The following GGA1 variants were observed in gnomAD, a reference collection of about 807,000 sequenced individuals.
The protein encoded by GGA1 is ADP-ribosylation factor-binding protein GGA1.
A neutral mutation model predicts 76.9 loss-of-function variants in GGA1; 18 were observed. The observed-to-expected ratio is 0.23, with a 90% CI of 0.16 to 0.35. GGA1 has a LOEUF of 0.35. Ranked by LOEUF, GGA1 falls within the 10% of genes least tolerant of loss-of-function variation. GGA1 has a pLI of 1.00. For missense variants in GGA1, 755 were observed against 859.0 expected (o/e 0.88, Z 1.51); for synonymous variants, 342 against 354.7 (o/e 0.96, Z 0.40).
At chr22:37,615,167 C>T (rs1201943171) in intron 2 of GGA1, among the ~76,000 whole-genome samples, 2 of 151,978 alleles carry the variant, frequency 1.3e-5, no homozygotes, top group Non-Finnish European at 2.9e-5. Flanking sequence ...AAAAATAGGC[C>T]AGGCATGGTG....
chr22:37,625,083 A>G lies in GGA1; in HGVS notation c.940+7A>G, dbSNP rs935066699. On this transcript the variant is annotated splice_region_variant and intron_variant, in intron 10 of 16. Coordinates refer to ENST00000343632, the MANE Select transcript of GGA1 (RefSeq NM_013365.5). This position sits in a 1 kb window ranked among gnomAD's most constrained non-coding sequence, Gnocchi z 4.1. ...ACAGCCGGCTCCATCCCTGGTGAGG[A>G]GGTGGCAGGAGAGCTGGGAGGGCAC... 3.8e-6 allele frequency: 6 copies of G among 1,578,332 alleles called. No homozygotes were observed. The highest frequency in any genetic ancestry group is 5.2e-6 in the Non-Finnish European group (6 of 1,162,030).
intron 3 of GGA1, 114 bp from the exon 4 acceptor site, chr22:37,618,334 C>T (rs1929203649): frequency 4.7e-6 from 3 of 642,708 alleles, no homozygotes; most frequent in South Asian, 3.5e-5. Flanking sequence ...ACAGGCCATT[C>T]CCTCCCTTCT....
intron 4 of GGA1, 80 bp from the exon 5 acceptor site, chr22:37,620,158 C>A: frequency 6.6e-7 from 1 of 1,518,566 alleles, no homozygotes; most frequent in Non-Finnish European, 9.1e-7. Flanking sequence ...CCTGGGGAGG[C>A]AGTAGGGTGT....
chr22:37,615,865 G>A (rs1170429817), intron 2 of GGA1, among the ~76,000 whole-genome samples: 1 of 151,330 alleles, frequency 6.6e-6, no homozygotes, highest in Non-Finnish European at 1.5e-5. Context: ...TTTTGAGATG[G>A]AGTCTCGCTC....
At chr22:37,615,272 C>G (rs778511232) in intron 2 of GGA1, among the ~76,000 whole-genome samples, 1 of 151,668 alleles carries the variant, frequency 6.6e-6, no homozygotes, top group Non-Finnish European at 1.5e-5. Context: ...ATAGAGAAAT[C>G]CCATCTCTAC....
chr22:37,612,577 C>T (rs997493387), intron 1 of GGA1: 6 of 138,684 alleles, frequency 4.3e-5, no homozygotes, highest in East Asian at 2.0e-4. Flanking sequence ...TGAGACCATC[C>T]TGGCTAACAT....
chr22:37,618,443 C>T lies in GGA1; in HGVS notation c.205-5C>T. Reference sequence around the variant, plus strand: ...CGTCCCCTCCCATCCCCCCTCCCTGCACAGGTGCTGGAAACATGCATGAAG... The same window carrying T: ...CGTCCCCTCCCATCCCCCCTCCCTGTACAGGTGCTGGAAACATGCATGAAG... On this transcript the variant is annotated splice_polypyrimidine_tract_variant and splice_region_variant and intron_variant, in intron 3 of 16. Transcript: ENST00000343632. The T allele has an allele frequency of 1.3e-6, 2 of 1,597,080 alleles. No individual in the cohort carries two copies. The highest frequency in any genetic ancestry group is 1.7e-6 in the Non-Finnish European group (2 of 1,164,694).
chr22:37,610,916 G>A (rs1279361583), intron 1 of GGA1, among the ~76,000 whole-genome samples: 1 of 152,168 alleles, frequency 6.6e-6, no homozygotes, highest in African/African-American at 2.4e-5. Flanking sequence ...GCCAGAGGCA[G>A]GGGGAGAAAG....
At chr22:37,608,930 G>A in intron 1 of GGA1, 27 bp downstream of exon 1, 1 of 1,322,974 alleles carries the variant, frequency 7.6e-7, no homozygotes, top group Non-Finnish European at 9.6e-7. Flanking sequence ...GGCGCGGGCC[G>A]GACCGGAACC....
Position 37,623,811 on chromosome 22 carries a change from CCTGTTG to C in GGA1, c.832+179_832+184del. 1.7e-6 allele frequency: 1 copy of C among 589,192 alleles called. No individual in the cohort carries two copies. Among genetic ancestry groups the C allele is most frequent in the Non-Finnish European group, 3.1e-6 (1 of 326,406 alleles). 36.5% of individuals were successfully genotyped at this position (589,192 alleles called of 1,614,324 possible). A position where few individuals can be genotyped will look rare whatever the true frequency, so the allele number is the denominator to read the frequency against. On this transcript the variant is annotated intron_variant, in intron 9 of 16. Coordinates refer to ENST00000343632, the MANE Select transcript of GGA1 (RefSeq NM_013365.5). The surrounding 1 kb of genome is among the most constrained non-coding windows in gnomAD (Gnocchi z 4.6). ...GAGGACACAGAGCAGGGGCCGCCCC[CCTGTTG>C]AGAGGCCCTGTGGGCCAGCCCCCTT...
chr22:37,614,256 T>A lies in GGA1; in HGVS notation c.110T>A (p.Leu37His). ...WASINGFCEQLNEDFEGPPLA... is the reference protein window; with the variant it reads ...WASINGFCEQHNEDFEGPPLA... ...AGCATCAACGGCTTCTGCGAGCAGC[T>A]CAACGAGGACTTTGAGGGGTAGGTG... Residue 37 changes from leucine to histidine, a missense_variant, in exon 2 of 17, where the codon CTC (leucine) becomes CAC (histidine). Leu to His is a moderately conservative substitution (Grantham distance 99). Transcript: ENST00000343632. The A allele has an allele frequency of 6.2e-7, 1 of 1,613,460 alleles. No homozygotes were observed. The highest frequency in any genetic ancestry group is 1.1e-5 in the South Asian group (1 of 91,066).
Position 37,624,958 on chromosome 22 carries a change from G to A in GGA1, c.833-11G>A. 1 of 1,571,674 alleles carries A rather than the reference G, an allele frequency of 6.4e-7. No individual in the cohort carries two copies. On this transcript the variant is annotated splice_polypyrimidine_tract_variant and intron_variant, in intron 9 of 16. Coordinates refer to ENST00000343632, the MANE Select transcript of GGA1 (RefSeq NM_013365.5). This position sits in a 1 kb window ranked among gnomAD's most constrained non-coding sequence, Gnocchi z 4.3. ...CCTTCAGCCTGGCCTCTCCCCTCCTGCCTGTTCCAGCGGAGATCCTGCAGG... is the reference window on the plus strand; with the variant it reads ...CCTTCAGCCTGGCCTCTCCCCTCCTACCTGTTCCAGCGGAGATCCTGCAGG...
chr22:37,617,571 T>C (rs1272511601), intron 3 of GGA1: 1 of 976,210 alleles, frequency 1.0e-6, no homozygotes, highest in Admixed American at 6.2e-5. Context: ...CAGTGGCTTA[T>C]ACCTGTAATT....
At chr22:37,626,022 A>AAG in intron 11 of GGA1, 73 bp downstream of exon 11, 1 of 1,260,714 alleles carries the variant, frequency 7.9e-7, no homozygotes. Flanking sequence ...GCCCACTCAC[A>AAG]GCTAGCGGAA....
chr22:37,629,992 CCA>C lies in GGA1; in HGVS notation c.1159-3_1159-2del, dbSNP rs746006583. ...CCCCACCCCACCTGCATCCTTTTCC[CCA>C]CAGTCGTCGGATGCCACTGAGCCCC... On this transcript the variant is annotated splice_region_variant and splice_polypyrimidine_tract_variant and intron_variant, in intron 12 of 16. Transcript: ENST00000343632. The C allele has an allele frequency of 2.6e-6, 4 of 1,544,196 alleles. No homozygotes were observed. The highest frequency in any genetic ancestry group is 2.0e-5 in the Admixed American group (1 of 51,170).
intron 1 of GGA1, among the ~76,000 whole-genome samples, chr22:37,611,819 G>C (rs5750461): frequency 0.33 from 50,532 of 152,134 alleles, 8,490 homozygotes; most frequent in Admixed American, 0.39. Context: ...TCTGGCTGCC[G>C]CCATGGCCTT....
rs191961666 is a variant in GGA1, at chr22:37,625,523, G to A, written c.941-274G>A. On this transcript the variant is annotated intron_variant, in intron 10 of 16. Transcript: ENST00000343632. The surrounding 1 kb of genome is among the most constrained non-coding windows in gnomAD (Gnocchi z 4.1). ...AGAAGTGGAGATGGAGGCGCTGCACGGAAGCAGCCAAGTTTCAGCAGGGCC... is the reference window on the plus strand; with the variant it reads ...AGAAGTGGAGATGGAGGCGCTGCACAGAAGCAGCCAAGTTTCAGCAGGGCC... 3.1e-3 allele frequency among the ~76,000 whole-genome samples: 474 copies of A among 152,210 alleles called. No individual in the cohort carries two copies. Among genetic ancestry groups the A allele is most frequent in the African/African-American group, 0.011 (441 of 41,518 alleles).
At chr22:37,621,835 G>A in intron 7 of GGA1, 139 bp downstream of exon 7, 1 of 560,112 alleles carries the variant, frequency 1.8e-6, no homozygotes, top group Non-Finnish European at 3.1e-6. Context: ...GCTGATGCTG[G>A]GGGACCAGGG....
At chr22:37,609,385 G>T (rs911743167) in intron 1 of GGA1, 15 of 1,027,320 alleles carry the variant, frequency 1.5e-5, no homozygotes, top group Middle Eastern at 3.5e-4. Flanking sequence ...TCATTACCCC[G>T]TCCTGGAAGG....
Sources: allele counts gnomAD v4.1 joint callset (sites outside exome capture counted in the v4.1 genomes callset), GRCh38; gene constraint gnomAD v4.1.1; non-coding constraint Gnocchi (gnomAD v3.1); transcripts MANE v1.5; gene names NCBI Gene and HGNC (gene_info 2026-07-23, HGNC 2026-07-21).